Variants in CEP350 observed in about 807,000 individuals in gnomAD.
CEP350 encodes the protein centrosome-associated protein 350.
A neutral mutation model predicts 331.8 loss-of-function variants in CEP350; 126 were observed. That is an observed-to-expected ratio of 0.38 (90% CI 0.33 to 0.44). CEP350 has a LOEUF of 0.44. CEP350 is among the 20% of genes least tolerant of loss of function. The pLI, the probability that CEP350 is intolerant of heterozygous loss-of-function variation, is 1.00. For missense variants in CEP350, 3,406 were observed against 3,634.6 expected, an observed-to-expected ratio of 0.94 and a Z score of 1.62; for synonymous variants, 1,200 against 1,259.5, an observed-to-expected ratio of 0.95 and a Z score of 1.00.
rs1650053260 is a variant in CEP350, at chr1:179,954,960, T to C, written c.-196T>C. ...GGGAGGGGAGGCAGCCTTTCCGCCT[T>C]GTCTTCCTTCCCAGCGGACCGGCGG... is the stretch of plus-strand genomic sequence containing the variant. On this transcript the variant is annotated 5_prime_UTR_variant, in exon 1 of 38. Coordinates refer to ENST00000367607, the MANE Select transcript of CEP350 (RefSeq NM_014810.5). The C allele has an allele frequency of 7.9e-6, 9 of 1,135,092 alleles. No individual in the cohort carries two copies. Among genetic ancestry groups the C allele is most frequent in the Non-Finnish European group, 1.0e-5 (9 of 870,744 alleles). 70.3% of individuals were successfully genotyped at this position (1,135,092 alleles called of 1,614,324 possible).
chr1:180,030,411 T>A (rs1423967285), intron 14 of CEP350, among the ~76,000 whole-genome samples: 1 of 150,496 alleles, frequency 6.6e-6, no homozygotes, highest in Non-Finnish European at 1.5e-5. Flanking sequence ...TATTAAAATT[T>A]ATATGCAGTT....
rs1274736111 is a variant in CEP350 at position 179,986,185 on chromosome 1, A to G, written c.4A>G (p.Arg2Gly). The change falls in exon 2 of 38, where the codon AGG becomes GGG. Residue 2 changes from arginine to glycine, a missense_variant. Coordinates refer to ENST00000367607, the MANE Select transcript of CEP350 (RefSeq NM_014810.5). M[R>G]SSKSKEVPLP... Reference sequence around the variant, plus strand: ...TGATTGCAGGTAAATTGGCAGGATGAGGAGCAGCAAATCAAAAGAGGTGCC... The same window carrying G: ...TGATTGCAGGTAAATTGGCAGGATGGGGAGCAGCAAATCAAAAGAGGTGCC... 2 of 1,551,076 alleles carry G rather than the reference A, an allele frequency of 1.3e-6. No homozygotes were observed. Among genetic ancestry groups the G allele is most frequent in the Non-Finnish European group, 1.7e-6 (2 of 1,146,654 alleles).
chr1:180,059,884 A>G (rs1011868872), intron 25 of CEP350, among the ~76,000 whole-genome samples: 14 of 152,180 alleles, frequency 9.2e-5, no homozygotes, highest in Admixed American at 5.9e-4. Context: ...ATTCATGAGT[A>G]TAACTGTTTG....
At chr1:180,016,469 T>A (rs1338109372) in intron 11 of CEP350, among the ~76,000 whole-genome samples, 1 of 152,164 alleles carries the variant, frequency 6.6e-6, no homozygotes, top group East Asian at 1.9e-4. Flanking sequence ...CTTAAAATAC[T>A]TTTTTGCTGT....
At chr1:179,991,412 G>C (rs1201794134) in intron 4 of CEP350, among the ~76,000 whole-genome samples, 1 of 149,710 alleles carries the variant, frequency 6.7e-6, no homozygotes, top group Non-Finnish European at 1.5e-5. Flanking sequence ...TACGTCCTGG[G>C]TTTAAGCGAT....
At chr1:180,058,195 G>T (rs1230979038) in intron 25 of CEP350, among the ~76,000 whole-genome samples, 3 of 152,162 alleles carry the variant, frequency 2.0e-5, no homozygotes, top group African/African-American at 7.2e-5. Flanking sequence ...AAGAATAGAT[G>T]AAATAAAACA....
chr1:180,063,223 C>G (rs1658342234), intron 26 of CEP350, among the ~76,000 whole-genome samples: 1 of 130,968 alleles, frequency 7.6e-6, no homozygotes, highest in Non-Finnish European at 1.6e-5. Context: ...CACGGTCTCA[C>G]TCTGTCACCT....
At position 179,955,108 on chromosome 1, in the gene CEP350, A is replaced by T. The variant is rs1249917256; in HGVS notation, c.-48A>T. 1 of 1,473,356 alleles carries T rather than the reference A, an allele frequency of 6.8e-7. No homozygotes were observed. Among genetic ancestry groups the T allele is most frequent in the South Asian group, 1.3e-5 (1 of 78,426 alleles). 91.3% of individuals were successfully genotyped at this position (1,473,356 alleles called of 1,614,324 possible). On this transcript the variant is annotated 5_prime_UTR_variant, in exon 1 of 38. Coordinates refer to ENST00000367607, the MANE Select transcript of CEP350 (RefSeq NM_014810.5). ...CCCTCCGCCAGGCTCCGCGGGATGC[A>T]CCGTGGTAGCCGAGGGCGGAGGCGA...
intron 14 of CEP350, among the ~76,000 whole-genome samples, chr1:180,030,027 G>T (rs550958391): frequency 2.6e-5 from 4 of 152,086 alleles, no homozygotes; most frequent in African/African-American, 9.6e-5. Context: ...ATATTCCCGT[G>T]TATGTATAAA....
At chr1:180,024,168 T>C (rs1267068643) in intron 13 of CEP350, among the ~76,000 whole-genome samples, 2 of 152,066 alleles carry the variant, frequency 1.3e-5, no homozygotes, top group South Asian at 2.1e-4. Flanking sequence ...TTTTCCAGTA[T>C]TCAACATTAT....
chr1:180,082,876 A>G (rs1388595401), intron 30 of CEP350, among the ~76,000 whole-genome samples: 2 of 152,218 alleles, frequency 1.3e-5, no homozygotes, highest in Non-Finnish European at 2.9e-5. Context: ...TTGGAAGCAC[A>G]TAAGTAAATA....
intron 17 of CEP350, among the ~76,000 whole-genome samples, 185 bp from the exon 18 acceptor site, chr1:180,040,953 G>A (rs1656723869): frequency 6.6e-6 from 1 of 152,078 alleles, no homozygotes; most frequent in Non-Finnish European, 1.5e-5. Flanking sequence ...GCATATGGGA[G>A]GTGATCATTA....
At chr1:179,987,112 A>G in intron 2 of CEP350, 128 bp from the exon 3 acceptor site, 1 of 563,550 alleles carries the variant, frequency 1.8e-6, no homozygotes. Context: ...TTGCTGAGGA[A>G]TTGTTCTGCC....
Position 180,020,844 on chromosome 1 carries a change from A to G in CEP350, c.3070A>G (p.Ser1024Gly), listed in dbSNP as rs774100242. ...EKEFCPGERN[S>G]YEPIKEFQKE... ...GGAATTTTGTCCTGGAGAAAGAAAT[A>G]GTTATGAACCCATCAAAGAGTTTCA... The change falls in exon 12 of 38, where the codon AGT (serine) becomes GGT (glycine). Residue 1024 changes from serine (S) to glycine (G), a missense_variant. Ser to Gly is a moderately conservative substitution (Grantham distance 56, BLOSUM62 0). This residue lies in a region of CEP350 where 1,857 missense variants were observed against 1,909.2 expected (regional missense o/e 0.97). Coordinates refer to ENST00000367607, the MANE Select transcript of CEP350 (RefSeq NM_014810.5). The G allele has an allele frequency of 6.2e-7, 1 of 1,613,140 alleles. No homozygotes were observed. The highest frequency in any genetic ancestry group is 2.2e-5 in the East Asian group (1 of 44,880).
At chr1:180,025,924 C>T (rs1054555040) in intron 14 of CEP350, among the ~76,000 whole-genome samples, 7 of 152,076 alleles carry the variant, frequency 4.6e-5, no homozygotes, top group African/African-American at 1.7e-4. Context: ...ATAAAAAATA[C>T]ATAAAATAAA....
At chr1:180,021,310 T>C (rs1269532188) in intron 12 of CEP350, among the ~76,000 whole-genome samples, 1 of 152,168 alleles carries the variant, frequency 6.6e-6, no homozygotes, top group Admixed American at 6.5e-5. Context: ...ATTGGATATA[T>C]ATCACGTATA....
rs1650245059 is a variant in CEP350, at chr1:179,957,368, AT to A, written c.-14+2227del. ...AATTTTAGTGTTATAGTGTAAAAAAATCATCAGATTGCATAGTATTTTTTTC... is the reference window on the plus strand; with the variant it reads ...AATTTTAGTGTTATAGTGTAAAAAAACATCAGATTGCATAGTATTTTTTTC... On this transcript the variant is annotated intron_variant, in intron 1 of 37. Transcript: ENST00000367607. Among the ~76,000 whole-genome samples the A allele has an allele frequency of 4.7e-5, 7 of 149,786 alleles. No individual in the cohort carries two copies. In the South Asian group the frequency reaches 1.5e-3, roughly 32 times the overall value.
intron 37 of CEP350, among the ~76,000 whole-genome samples, chr1:180,099,780 A>ATTTTTTTTTTTT (rs200255438): frequency 1.7e-5 from 2 of 119,526 alleles, no homozygotes; most frequent in African/African-American, 3.3e-5. Flanking sequence ...GCCTTATTTG[A>ATTTTTTTTTTTT]TTTTTTTTTT....
chr1:180,013,921 C>G lies in CEP350; in HGVS notation c.1468C>G (p.Arg490Gly), dbSNP rs776722310. ...TAGACATCTTCAAAGAAACTCAGAA[C>G]GTTCGAGAAGTAAATCTCGGTCTGA... The part of the protein sequence containing the change: ...LHRHLQRNSE[R>G]SRSKSRSENN... Residue 490 changes from arginine to glycine, a missense_variant, in exon 10 of 38, where the codon CGT becomes GGT. Arg to Gly is a moderately radical substitution (Grantham distance 125). Coordinates refer to ENST00000367607, the MANE Select transcript of CEP350 (RefSeq NM_014810.5). The G allele has an allele frequency of 6.2e-7, 1 of 1,613,592 alleles. No individual in the cohort carries two copies. The highest frequency in any genetic ancestry group is 8.5e-7 in the Non-Finnish European group (1 of 1,179,744).
Sources: allele counts gnomAD v4.1 joint callset (sites outside exome capture counted in the v4.1 genomes callset), GRCh38; gene constraint gnomAD v4.1.1; regional missense constraint gnomAD v4.1.1; transcripts MANE v1.5; gene names NCBI Gene and HGNC (gene_info 2026-07-23, HGNC 2026-07-21).